HSDL2: variants seen among roughly 807,000 people sequenced by gnomAD.
The protein encoded by HSDL2 is hydroxysteroid dehydrogenase like 2, also known as hydroxysteroid dehydrogenase-like protein 2.
A neutral mutation model predicts 46.3 loss-of-function variants in HSDL2; 27 were observed. The observed-to-expected ratio is 0.58, with a 90% CI of 0.43 to 0.80. HSDL2 has a LOEUF of 0.80. Among genes scored for constraint, HSDL2 ranks in the 30% least tolerant of loss-of-function variants. The probability of loss-of-function intolerance (pLI) is 0.00; values close to 1 mark genes in which losing one functional copy is unlikely to be tolerated. For missense variants in HSDL2, 451 were observed against 502.7 expected, an observed-to-expected ratio of 0.90 and a Z score of 0.98; for synonymous variants, 153 against 163.6, an observed-to-expected ratio of 0.94 and a Z score of 0.50.
chr9:112,467,015 T>C (rs147335971), intron 10 of HSDL2, among the ~76,000 whole-genome samples: 198 of 152,326 alleles, frequency 1.3e-3, no homozygotes, highest in African/African-American at 4.4e-3. Context: ...CATAGATGTA[T>C]AGGTACAGTT....
chr9:112,400,297 C>G (rs1013436573), intron 1 of HSDL2, among the ~76,000 whole-genome samples: 1 of 152,180 alleles, frequency 6.6e-6, no homozygotes, highest in Non-Finnish European at 1.5e-5. Context: ...TACTCATTCA[C>G]TGCTGCTGGT....
intron 10 of HSDL2, among the ~76,000 whole-genome samples, chr9:112,462,342 T>C (rs1194358216): frequency 6.6e-6 from 1 of 152,012 alleles, no homozygotes; most frequent in Non-Finnish European, 1.5e-5. Flanking sequence ...CACATGCCTG[T>C]AATTCCAGCT....
chr9:112,440,660 C>G (rs1832620374), intron 7 of HSDL2, among the ~76,000 whole-genome samples: 1 of 152,076 alleles, frequency 6.6e-6, no homozygotes, highest in Non-Finnish European at 1.5e-5. Context: ...ATCGCTTGAG[C>G]CAAGGAGTTC....
chr9:112,395,979 G>A lies in HSDL2; in HGVS notation c.18-8016G>A, dbSNP rs180938093. On this transcript the variant is annotated intron_variant, in intron 1 of 10. Transcript: ENST00000398805. ...GCGTAGCAGTGGCCGTCATTAAAAA[G>A]GATAACCTAAACCAGCCCTGTCTTC... Among the ~76,000 whole-genome samples the A allele has an allele frequency of 1.7e-3, 262 of 152,280 alleles. 1 individual carries two copies. The highest frequency in any genetic ancestry group is 6.2e-3 in the African/African-American group (257 of 41,562).
intron 9 of HSDL2, among the ~76,000 whole-genome samples, chr9:112,458,709 C>T (rs555468521): frequency 2.0e-3 from 306 of 152,138 alleles, no homozygotes; most frequent in Non-Finnish European, 3.4e-3. Context: ...CTGCCGGGCA[C>T]GGTATCTCAT....
intron 7 of HSDL2, among the ~76,000 whole-genome samples, 191 bp from the exon 8 acceptor site, chr9:112,441,508 G>A (rs561530566): frequency 2.6e-5 from 4 of 152,324 alleles, no homozygotes; most frequent in Admixed American, 6.5e-5. Flanking sequence ...AAATTTATCA[G>A]AGGAGAGAAA....
At chr9:112,458,127 C>A (rs1022664954) in intron 9 of HSDL2, among the ~76,000 whole-genome samples, 1 of 151,554 alleles carries the variant, frequency 6.6e-6, no homozygotes, top group Admixed American at 6.6e-5. Context: ...GTTCCTCACA[C>A]GTGCTGCACT....
At chr9:112,381,086 G>GACACACACACACACAC (rs1336369359) in intron 1 of HSDL2, among the ~76,000 whole-genome samples, 2 of 20,574 alleles carry the variant, frequency 9.7e-5, no homozygotes, top group African/African-American at 2.4e-4. Flanking sequence ...TATACATCCG[G>GACACACACACACACAC]ATACACACAC....
chr9:112,461,840 T>C (rs1833218401), intron 10 of HSDL2, among the ~76,000 whole-genome samples: 1 of 152,234 alleles, frequency 6.6e-6, no homozygotes, highest in Admixed American at 6.5e-5. Context: ...CTTTCTTTAA[T>C]TTACATTTCA....
At chr9:112,391,979 T>G (rs1220943455) in intron 1 of HSDL2, among the ~76,000 whole-genome samples, 1 of 152,164 alleles carries the variant, frequency 6.6e-6, no homozygotes, top group Non-Finnish European at 1.5e-5. Context: ...CCCAAGTATT[T>G]CAACATAGGT....
rs774295173 is a variant in HSDL2 at position 112,427,053 on chromosome 9, AATTG to A, written c.598+8099_598+8102del. On this transcript the variant is annotated intron_variant, in intron 6 of 10. Transcript: ENST00000398805. The stretch of plus-strand genomic sequence containing the variant: ...TTATTATATTATTAATTAATTAATT[AATTG>A]ATTAATTATTTTTTCGAGGCAGAGT... Among the ~76,000 whole-genome samples the A allele has an allele frequency of 6.4e-4, 98 of 152,072 alleles. 1 individual carries two copies. The highest frequency in any genetic ancestry group is 1.7e-3 in the Admixed American group (26 of 15,288).
intron 5 of HSDL2, among the ~76,000 whole-genome samples, chr9:112,418,604 ATGTG>A: frequency 6.6e-6 from 1 of 151,456 alleles, no homozygotes; most frequent in East Asian, 1.9e-4. Flanking sequence ...GTATATATGT[ATGTG>A]TGTGTATATA....
chr9:112,466,879 T>G, intron 10 of HSDL2, among the ~76,000 whole-genome samples: 1 of 152,212 alleles, frequency 6.6e-6, no homozygotes, highest in East Asian at 1.9e-4. Flanking sequence ...AACTTCATTC[T>G]TTTGTATGTG....
rs145196756 is a variant in HSDL2 at position 112,436,156 on chromosome 9, C to T, written c.599-2275C>T. On this transcript the variant is annotated intron_variant, in intron 6 of 10. Transcript: ENST00000398805. ...TGGTGGGAGGGTGAGGTAGGAGGAT[C>T]GTTTGAGAGCCCAGGAGATCAAGGC... 2.2e-3 allele frequency among the ~76,000 whole-genome samples: 320 copies of T among 143,426 alleles called. 2 individuals carry two copies. The highest frequency in any genetic ancestry group is 7.9e-3 in the African/African-American group (303 of 38,274). The allele number at this position is 143,426 out of a possible 152,430, so 94.1% of individuals were successfully genotyped here. A position where few individuals can be genotyped will look rare whatever the true frequency, so the allele number is the denominator to read the frequency against.
intron 8 of HSDL2, among the ~76,000 whole-genome samples, chr9:112,443,394 A>G (rs182434565): frequency 2.5e-4 from 38 of 152,294 alleles, no homozygotes; most frequent in African/African-American, 8.7e-4. Context: ...TACAGCTGCA[A>G]TTGCACAGCC....
At chr9:112,390,596 G>A (rs1194185685) in intron 1 of HSDL2, among the ~76,000 whole-genome samples, 1 of 152,072 alleles carries the variant, frequency 6.6e-6, no homozygotes, top group Middle Eastern at 3.4e-3. Context: ...GGGACTACAG[G>A]TGCACACCAA....
chr9:112,446,910 A>T (rs745379501), intron 8 of HSDL2, among the ~76,000 whole-genome samples: 1 of 152,230 alleles, frequency 6.6e-6, no homozygotes, highest in Admixed American at 6.5e-5. Flanking sequence ...AGTTGGTACA[A>T]GCCCAGAGTC....
chr9:112,410,838 G>A (rs1831847283), intron 4 of HSDL2, among the ~76,000 whole-genome samples: 1 of 152,140 alleles, frequency 6.6e-6, no homozygotes, highest in African/African-American at 2.4e-5. Context: ...CTGAAGTGGG[G>A]GGATTGTCTG....
At chr9:112,421,752 C>A (rs1359421281) in intron 6 of HSDL2, among the ~76,000 whole-genome samples, 1 of 152,178 alleles carries the variant, frequency 6.6e-6, no homozygotes, top group East Asian at 1.9e-4. Flanking sequence ...ATCTTTTTCA[C>A]TGAATTTGCC....
Sources: gnomAD v4.1 joint callset for allele counts (sites outside exome capture counted in the v4.1 genomes callset) on GRCh38, gnomAD v4.1.1 for gene constraint, MANE v1.5 for transcripts, NCBI Gene and HGNC (gene_info 2026-07-23, HGNC 2026-07-21) for gene names.